Variants in ARHGAP24 observed in about 807,000 individuals in gnomAD.
ARHGAP24 encodes Rho GTPase activating protein 24.
A neutral mutation model predicts 76.4 loss-of-function variants in ARHGAP24; 50 were observed. The ratio of observed to expected loss-of-function variants is 0.65; its 90% CI spans 0.52 to 0.83. ARHGAP24 has a LOEUF of 0.83. ARHGAP24 is among the 40% of genes least tolerant of loss of function. The pLI is 0.00. For synonymous variants in ARHGAP24, 345 were observed against 323.3 expected (o/e 1.07, Z -0.72); for missense variants, 930 against 914.2 (o/e 1.02, Z -0.22).
rs558762986 is a variant in ARHGAP24, at chr4:85,748,712, C to G, written c.268+26740C>G. On this transcript the variant is annotated intron_variant, in intron 3 of 9. Transcript: ENST00000395184. ...CAAGAGAAAGAAATATGTTTTATCT[C>G]CCAAGTATGATGCAGAAAGACAGTA... Among the ~76,000 whole-genome samples, 5 of 152,268 alleles carry G rather than the reference C, an allele frequency of 3.3e-5. No individual in the cohort carries two copies. In the East Asian group the frequency reaches 9.6e-4, roughly 29 times the overall value.
intron 3 of ARHGAP24, among the ~76,000 whole-genome samples, chr4:85,799,002 A>G (rs985080399): frequency 3.3e-5 from 5 of 152,214 alleles, no homozygotes; most frequent in African/African-American, 7.2e-5. Flanking sequence ...TTAGAAAATT[A>G]GTATGAACCA....
At chr4:85,658,755 T>C (rs1039846500) in intron 2 of ARHGAP24, among the ~76,000 whole-genome samples, 2 of 152,232 alleles carry the variant, frequency 1.3e-5, no homozygotes, top group African/African-American at 2.4e-5. Context: ...GAGTAGTTTA[T>C]AATGTGTTGA....
chr4:85,901,079 A>G (rs562152482), intron 3 of ARHGAP24, among the ~76,000 whole-genome samples: 12 of 152,192 alleles, frequency 7.9e-5, no homozygotes, highest in African/African-American at 2.6e-4. Context: ...TGAAACATTT[A>G]ATTATATATG....
chr4:85,965,657 A>G (rs1738551707), intron 5 of ARHGAP24, among the ~76,000 whole-genome samples: 1 of 152,174 alleles, frequency 6.6e-6, no homozygotes, highest in Non-Finnish European at 1.5e-5. Flanking sequence ...TATTGGCTGC[A>G]TGTGAGAATA....
At chr4:85,862,570 T>C (rs1206088524) in intron 3 of ARHGAP24, among the ~76,000 whole-genome samples, 1 of 152,076 alleles carries the variant, frequency 6.6e-6, no homozygotes, top group African/African-American at 2.4e-5. Context: ...TCAGGCCATA[T>C]TTAGTTTGCT....
At chr4:85,495,942 G>C (rs941181176) in intron 1 of ARHGAP24, among the ~76,000 whole-genome samples, 2 of 152,152 alleles carry the variant, frequency 1.3e-5, no homozygotes, top group African/African-American at 4.8e-5. Flanking sequence ...ATTTGTTTGT[G>C]TCTCATTTTG....
At chr4:85,727,356 A>G (rs1725205246) in intron 3 of ARHGAP24, among the ~76,000 whole-genome samples, 1 of 152,166 alleles carries the variant, frequency 6.6e-6, no homozygotes, top group Non-Finnish European at 1.5e-5. Flanking sequence ...ACTTGATAAG[A>G]GTAGGCATTT....
intron 2 of ARHGAP24, among the ~76,000 whole-genome samples, chr4:85,627,061 T>G (rs184987026): frequency 5.3e-5 from 8 of 152,318 alleles, no homozygotes; most frequent in Admixed American, 5.2e-4. Context: ...ATCTGAAGCC[T>G]TCTTCTCTCA....
intron 2 of ARHGAP24, among the ~76,000 whole-genome samples, chr4:85,626,069 C>T (rs1415670972): frequency 2.0e-5 from 3 of 152,158 alleles, no homozygotes; most frequent in African/African-American, 7.2e-5. Flanking sequence ...AGTCCATTTA[C>T]ATTTAAAGTT....
Position 85,995,104 on chromosome 4 carries a change from A to G in ARHGAP24, c.1450A>G (p.Met484Val), listed in dbSNP as rs997873797. The change falls in exon 9 of 10, where the codon ATG (methionine) becomes GTG (valine). Residue 484 changes from methionine to valine, a missense_variant. Coordinates refer to ENST00000395184, the MANE Select transcript of ARHGAP24 (RefSeq NM_001025616.3). ...THSVQNGTVR[M>V]GILNSDTLGN... ...CAGTGTACAGAATGGAACGGTGCGC[A>G]TGGGCATTTTGAACAGCGACACACT... The G allele has an allele frequency of 8.1e-6, 13 of 1,613,948 alleles. No homozygotes were observed. Among genetic ancestry groups the G allele is most frequent in the Admixed American group, 6.7e-5 (4 of 59,982 alleles).
At chr4:85,692,766 G>A (rs78527768) in intron 2 of ARHGAP24, among the ~76,000 whole-genome samples, 1 of 152,122 alleles carries the variant, frequency 6.6e-6, no homozygotes, top group African/African-American at 2.4e-5. Context: ...TCTGAATGTC[G>A]ATAGCTTCCT....
At position 85,994,947 on chromosome 4, in the gene ARHGAP24, G is replaced by A; in HGVS notation, c.1293G>A (p.Gly431=). The A allele has an allele frequency of 6.2e-7, 1 of 1,614,100 alleles. No homozygotes were observed. The highest frequency in any genetic ancestry group is 8.5e-7 in the Non-Finnish European group (1 of 1,180,020). The change falls in exon 9 of 10, where the codon GGG becomes GGA. Residue 431 remains glycine (G), a synonymous_variant. Transcript: ENST00000395184. The stretch of plus-strand genomic sequence containing the variant: ...ACCCAGCCTTTAATAAGGGTAGTGG[G>A]ATAGTTACCAATGGGTCCTTCAGCA... The part of the protein sequence containing the change: ...KKNPAFNKGS[G]IVTNGSFSSS...
chr4:85,482,984 A>C (rs1722875717), intron 1 of ARHGAP24, among the ~76,000 whole-genome samples: 2 of 152,192 alleles, frequency 1.3e-5, no homozygotes, highest in Non-Finnish European at 2.9e-5. Flanking sequence ...TAAGCCCTGC[A>C]ACCTTGGGGA....
intron 3 of ARHGAP24, among the ~76,000 whole-genome samples, chr4:85,889,784 A>T (rs1192081951): frequency 6.6e-6 from 1 of 152,170 alleles, no homozygotes; most frequent in Non-Finnish European, 1.5e-5. Context: ...TGGTACTTCT[A>T]TCATTTACAG....
chr4:85,928,830 T>C (rs189397), intron 4 of ARHGAP24, among the ~76,000 whole-genome samples: 60,839 of 151,910 alleles, frequency 0.4, 12,409 homozygotes, highest in East Asian at 0.65. Context: ...CTTTCCTGTA[T>C]ATTTCTGCCT....
intron 2 of ARHGAP24, among the ~76,000 whole-genome samples, chr4:85,683,119 G>GGGGGC (rs1723282128): frequency 8.7e-5 from 7 of 80,090 alleles, no homozygotes; most frequent in African/African-American, 3.6e-4. Context: ...TGGGGGGGTG[G>GGGGGC]GGGGGGGGTG....
At chr4:85,694,505 T>C (rs1454318541) in intron 2 of ARHGAP24, among the ~76,000 whole-genome samples, 2 of 152,190 alleles carry the variant, frequency 1.3e-5, no homozygotes, top group East Asian at 3.8e-4. Context: ...ATAAAACCTT[T>C]AGTATTGTTA....
chr4:85,518,454 G>T (rs1203128164), intron 1 of ARHGAP24, among the ~76,000 whole-genome samples: 2 of 151,850 alleles, frequency 1.3e-5, no homozygotes, highest in African/African-American at 4.8e-5. Context: ...TGAGATTTTG[G>T]TGCACCCATC....
chr4:85,560,398 G>C (rs1158512425), intron 1 of ARHGAP24, among the ~76,000 whole-genome samples: 1 of 152,004 alleles, frequency 6.6e-6, no homozygotes. Context: ...CCTTTTTTAT[G>C]GTTCATTTCA....
Sources: gnomAD v4.1 joint callset for allele counts (sites outside exome capture counted in the v4.1 genomes callset) on GRCh38, gnomAD v4.1.1 for gene constraint, MANE v1.5 for transcripts, NCBI Gene and HGNC (gene_info 2026-07-23, HGNC 2026-07-21) for gene names.